Variants in PTPRE observed in about 807,000 individuals in gnomAD.
PTPRE encodes the protein protein tyrosine phosphatase receptor type E.
PTPRE carries 51 observed loss-of-function variants against 102.0 expected under a neutral mutation model. The observed-to-expected ratio is 0.50, with a 90% CI of 0.40 to 0.63. The LOEUF (loss-of-function observed/expected upper bound fraction) is 0.63. PTPRE is among the 30% of genes least tolerant of loss of function. The pLI is 0.00. For missense variants in PTPRE, 752 were observed against 915.1 expected (o/e 0.82, Z 2.30); for synonymous variants, 345 against 348.2 (o/e 0.99, Z 0.10).
chr10:128,016,209 A>G (rs1013800102), intron 2 of PTPRE, among the ~76,000 whole-genome samples: 2 of 152,234 alleles, frequency 1.3e-5, no homozygotes, highest in Non-Finnish European at 2.9e-5. Context: ...CTTAAGGCCC[A>G]TGCACTTAAC....
chr10:127,927,817 T>G (rs1199174348), intron 1 of PTPRE, among the ~76,000 whole-genome samples: 2 of 152,254 alleles, frequency 1.3e-5, no homozygotes, highest in Admixed American at 1.3e-4. Context: ...TTGATTTGAT[T>G]GTACTTTTAA....
intron 3 of PTPRE, among the ~76,000 whole-genome samples, chr10:128,045,594 G>A (rs10764740): frequency 0.3 from 45,690 of 152,038 alleles, 7,842 homozygotes; most frequent in Admixed American, 0.47. Flanking sequence ...GCCCTCCGTG[G>A]GGCTGGGCTC....
At chr10:128,006,298 G>T (rs1452806642) in intron 2 of PTPRE, among the ~76,000 whole-genome samples, 1 of 152,174 alleles carries the variant, frequency 6.6e-6, no homozygotes, top group East Asian at 1.9e-4. Flanking sequence ...CACCATCAGG[G>T]TCCCTGGGTA....
chr10:127,977,810 T>C (rs577366563), intron 1 of PTPRE, among the ~76,000 whole-genome samples: 1 of 152,284 alleles, frequency 6.6e-6, no homozygotes, highest in East Asian at 1.9e-4. Flanking sequence ...CCCCCCTTCC[T>C]AAGGGTGGAT....
Position 127,907,900 on chromosome 10 carries a change from G to T in PTPRE, c.-31+591G>T, listed in dbSNP as rs1845600565. On this transcript the variant is annotated intron_variant, in intron 1 of 20. Coordinates refer to ENST00000254667, the MANE Select transcript of PTPRE (RefSeq NM_006504.6). This position sits in a 1 kb window ranked among gnomAD's most constrained non-coding sequence, Gnocchi z 4.8. ...AGATGCGGCAGGGAGACCCTGGCAGGTGGTCCAGGCTGGACTGCCGCGATT... is the reference window on the plus strand; with the variant it reads ...AGATGCGGCAGGGAGACCCTGGCAGTTGGTCCAGGCTGGACTGCCGCGATT... Among the ~76,000 whole-genome samples the T allele has an allele frequency of 6.6e-6, 1 of 152,196 alleles. No individual in the cohort carries two copies. Among genetic ancestry groups the T allele is most frequent in the Non-Finnish European group, 1.5e-5 (1 of 68,030 alleles).
chr10:128,021,093 C>T (rs1204470876), intron 2 of PTPRE, among the ~76,000 whole-genome samples: 4 of 152,004 alleles, frequency 2.6e-5, no homozygotes, highest in Non-Finnish European at 5.9e-5. Context: ...GATGGAGTTT[C>T]GCCGTGTTAG....
intron 1 of PTPRE, among the ~76,000 whole-genome samples, chr10:127,933,392 A>C (rs1847585879): frequency 6.6e-6 from 1 of 152,222 alleles, no homozygotes; most frequent in African/African-American, 2.4e-5. Flanking sequence ...TTGGTGTTTA[A>C]TCCTCGTGGA....
At chr10:127,986,099 A>G (rs1182212354) in intron 2 of PTPRE, among the ~76,000 whole-genome samples, 1 of 152,036 alleles carries the variant, frequency 6.6e-6, no homozygotes, top group Non-Finnish European at 1.5e-5. Context: ...TCAAAAATTA[A>G]AAAAAAATTG....
At position 128,083,831 on chromosome 10, in the gene PTPRE, A is replaced by T. The variant is rs1236285710; in HGVS notation, c.*925A>T. The T allele has an allele frequency of 2.6e-5, 4 of 152,202 alleles. No homozygotes were observed. Among genetic ancestry groups the T allele is most frequent in the Non-Finnish European group, 1.5e-5 (1 of 68,058 alleles). The allele number at this position is 152,202 out of a possible 1,614,324, so 9.4% of individuals were successfully genotyped here. On this transcript the variant is annotated 3_prime_UTR_variant, in exon 21 of 21. Coordinates refer to ENST00000254667, the MANE Select transcript of PTPRE (RefSeq NM_006504.6). ...TTCAGATGAACTGAGCGTCTTACAC[A>T]CGCAGTACAGAGGAGCACACATTAG...
chr10:127,971,331 G>A (rs965950137), intron 1 of PTPRE, among the ~76,000 whole-genome samples: 2 of 152,210 alleles, frequency 1.3e-5, no homozygotes, highest in African/African-American at 2.4e-5. Context: ...TGGGTCTTAC[G>A]TAAGAGACCT....
chr10:128,045,111 T>C (rs1332229507), intron 3 of PTPRE, among the ~76,000 whole-genome samples: 2 of 152,250 alleles, frequency 1.3e-5, no homozygotes, highest in Non-Finnish European at 2.9e-5. Flanking sequence ...ATTGGGTTTC[T>C]GATCCTGATC....
intron 18 of PTPRE, among the ~76,000 whole-genome samples, chr10:128,077,009 C>A (rs894953731): frequency 5.3e-5 from 8 of 152,284 alleles, no homozygotes; most frequent in African/African-American, 1.9e-4. Flanking sequence ...GCCACAGGGG[C>A]CTCTCTGGGG....
At position 127,971,992 on chromosome 10, in the gene PTPRE, T is replaced by C. The variant is rs200249324; in HGVS notation, c.-30-10282T>C. Among the ~76,000 whole-genome samples the C allele has an allele frequency of 3.9e-5, 6 of 152,342 alleles. No individual in the cohort carries two copies. In the East Asian group the frequency reaches 1.2e-3, roughly 29 times the overall value. The stretch of plus-strand genomic sequence containing the variant: ...TTTATAGAAGCCCAGCAGAAACTTT[T>C]CTTCAATTTGCTCGTGACTCTTAGA... On this transcript the variant is annotated intron_variant, in intron 1 of 20. Transcript: ENST00000254667.
intron 1 of PTPRE, among the ~76,000 whole-genome samples, chr10:127,916,562 G>A (rs988127591): frequency 2.0e-5 from 3 of 152,166 alleles, no homozygotes; most frequent in African/African-American, 7.2e-5. Flanking sequence ...GGTTTACTGG[G>A]CCATTTCCTA....
At chr10:127,975,028 G>C (rs1272375635) in intron 1 of PTPRE, among the ~76,000 whole-genome samples, 1 of 152,182 alleles carries the variant, frequency 6.6e-6, no homozygotes, top group Non-Finnish European at 1.5e-5. Context: ...CACCAGGAGG[G>C]ATACAACCAG....
intron 18 of PTPRE, 51 bp downstream of exon 18, chr10:128,076,779 C>A (rs762232320): frequency 2.2e-5 from 35 of 1,603,522 alleles, no homozygotes; most frequent in Non-Finnish European, 2.9e-5. Flanking sequence ...GAACCACGCC[C>A]TCCCTCTGGG....
intron 1 of PTPRE, among the ~76,000 whole-genome samples, chr10:127,972,546 G>T (rs1431049331): frequency 6.6e-6 from 1 of 152,228 alleles, no homozygotes; most frequent in African/African-American, 2.4e-5. Flanking sequence ...GCGAAGAGCA[G>T]CCTTTCTGTC....
At chr10:127,932,703 C>T (rs1416778426) in intron 1 of PTPRE, among the ~76,000 whole-genome samples, 1 of 152,208 alleles carries the variant, frequency 6.6e-6, no homozygotes, top group Non-Finnish European at 1.5e-5. Context: ...GACAAAGTAC[C>T]ACTCACTCAG....
At chr10:127,931,815 T>A (rs375451350) in intron 1 of PTPRE, among the ~76,000 whole-genome samples, 126 of 152,350 alleles carry the variant, frequency 8.3e-4, no homozygotes, top group African/African-American at 2.6e-3. Flanking sequence ...TTACTGTTTA[T>A]CTCCACAACA....
Sources: gnomAD v4.1 joint callset for allele counts (sites outside exome capture counted in the v4.1 genomes callset) on GRCh38, gnomAD v4.1.1 for gene constraint, Gnocchi (gnomAD v3.1) non-coding constraint, MANE v1.5 for transcripts, NCBI Gene and HGNC (gene_info 2026-07-23, HGNC 2026-07-21) for gene names.